Variants in HSPBP1 observed in about 807,000 individuals in gnomAD.
HSPBP1 encodes HSPA (Hsp70) binding protein 1.
HSPBP1 carries 31 observed loss-of-function variants against 41.7 expected under a neutral mutation model. The ratio of observed to expected loss-of-function variants is 0.74; its 90% confidence interval spans 0.56 to 1.00. The LOEUF is 1.00. Ranked by LOEUF, HSPBP1 falls within the 50% of genes least tolerant of loss-of-function variation. The pLI is 0.00. For synonymous variants in HSPBP1, 199 were observed against 214.4 expected, an observed-to-expected ratio of 0.93 and a Z score of 0.63; for missense variants, 439 against 487.9, an observed-to-expected ratio of 0.90 and a Z score of 0.94.
At chr19:55,276,649 A>T (rs1186705496) in intron 3 of HSPBP1, among the ~76,000 whole-genome samples, 1 of 152,164 alleles carries the variant, frequency 6.6e-6, no homozygotes, top group East Asian at 1.9e-4. Flanking sequence ...AACAAGCAAA[A>T]AATGAATGAA....
At chr19:55,273,942 G>T (rs1039400249) in intron 4 of HSPBP1, among the ~76,000 whole-genome samples, 5 of 151,294 alleles carry the variant, frequency 3.3e-5, no homozygotes, top group African/African-American at 4.9e-5. Context: ...AGAAGAAGAA[G>T]AATTCATGTA....
rs2087910188 is a variant in HSPBP1, at chr19:55,270,980, C to A, written c.640+3418G>T. Among the ~76,000 whole-genome samples the A allele has an allele frequency of 6.6e-6, 1 of 151,106 alleles. No homozygotes were observed. Among genetic ancestry groups the A allele is most frequent in the Non-Finnish European group, 1.5e-5 (1 of 67,750 alleles). ...CACGCCAAACACCCCACATACACAC[C>A]ATACACACCCTACACACGCGCCACA... On this transcript the variant is annotated intron_variant, in intron 4 of 7. Transcript: ENST00000433386. The surrounding 1 kb of genome is among the most constrained non-coding windows in gnomAD (Gnocchi z 5.4).
intron 4 of HSPBP1, among the ~76,000 whole-genome samples, chr19:55,269,239 C>T (rs531623833): frequency 6.6e-6 from 1 of 152,222 alleles, no homozygotes; most frequent in Admixed American, 6.5e-5. Context: ...GCCAATAGTC[C>T]CTCTCTCCCA....
rs759391886 is a variant in HSPBP1 at position 55,266,236 on chromosome 19, C to T, written c.691G>A (p.Gly231Ser). The change falls in exon 5 of 8, where the codon GGC becomes AGC. Residue 231 changes from glycine to serine, a missense_variant. Physicochemically the swap from Gly to Ser is moderately conservative, Grantham distance 56. Transcript: ENST00000433386. The part of the protein sequence containing the change: ...AGLLQFLRLD[G>S]FSVLMRAMQQ... Reference sequence around the variant, plus strand: ...ATGGCCCTCATCAACACAGAGAAGCCGTCCAGGCGGAGGAACTGCAGCAGC... The same window carrying T: ...ATGGCCCTCATCAACACAGAGAAGCTGTCCAGGCGGAGGAACTGCAGCAGC... 19 of 1,583,402 alleles carry T rather than the reference C, an allele frequency of 1.2e-5. No homozygotes were observed. The Admixed American group carries it at 1.8e-4, about 15-fold the overall frequency.
chr19:55,264,053 C>T lies in HSPBP1; in HGVS notation c.1005+1225G>A, dbSNP rs140673930. Among the ~76,000 whole-genome samples the T allele has an allele frequency of 8.5e-3, 1,290 of 151,396 alleles. 26 individuals are homozygous for T. The highest frequency in any genetic ancestry group is 0.03 in the African/African-American group (1,227 of 41,162). Reference sequence around the variant, plus strand: ...GCGCATCTTGGCTCACTGCAACCTCCGCCTCCCCGGTTCAAGCGATTCTCC... The same window carrying T: ...GCGCATCTTGGCTCACTGCAACCTCTGCCTCCCCGGTTCAAGCGATTCTCC... On this transcript the variant is annotated intron_variant, in intron 7 of 7. Transcript: ENST00000433386.
In HSPBP1 at chr19:55,268,338, G is replaced by A. The variant is rs546730570; in HGVS notation, c.641-2052C>T. 2.0e-5 allele frequency among the ~76,000 whole-genome samples: 3 copies of A among 152,264 alleles called. No individual in the cohort carries two copies. The highest frequency in any genetic ancestry group is 7.2e-5 in the African/African-American group (3 of 41,556). On this transcript the variant is annotated intron_variant, in intron 4 of 7. Transcript: ENST00000433386. This position sits in a 1 kb window ranked among gnomAD's most constrained non-coding sequence, Gnocchi z 4.5. Reference sequence around the variant, plus strand: ...CCAGCTACTAGGGAGGCTGAGGCAGGAGAATCATTTGAACCCGGGAGGTGG... The same window carrying A: ...CCAGCTACTAGGGAGGCTGAGGCAGAAGAATCATTTGAACCCGGGAGGTGG...
Position 55,265,361 on chromosome 19 carries a change from G to T in HSPBP1, c.922C>A (p.Arg308Ser), listed in dbSNP as rs762663099. The T allele has an allele frequency of 6.2e-7, 1 of 1,613,210 alleles. No individual in the cohort carries two copies. The highest frequency in any genetic ancestry group is 8.5e-7 in the Non-Finnish European group (1 of 1,179,840). The change falls in exon 7 of 8, where the codon CGC becomes AGC. Residue 308 changes from arginine (R) to serine (S), a missense_variant. Physicochemically the swap from Arg to Ser is moderately radical, Grantham distance 110 (BLOSUM62 -1). Coordinates refer to ENST00000433386, the MANE Select transcript of HSPBP1 (RefSeq NM_012267.5). ...SLVTDFPQGV[R>S]ECREPELGLE... ...CCCAGTTCCGGCTCCCGACACTCGC[G>T]CACACCCTGCGGAAAGTCTGTCACC...
chr19:55,280,302 C>T (rs2088198534), upstream of HSPBP1: 1 of 156,250 alleles, frequency 6.4e-6, no homozygotes, highest in Non-Finnish European at 1.4e-5. Context: ...GGCGCCGCCC[C>T]TTCACGCTCA....
chr19:55,279,194 C>T (rs543996248), intron 2 of HSPBP1, among the ~76,000 whole-genome samples: 7 of 152,130 alleles, frequency 4.6e-5, no homozygotes, highest in Non-Finnish European at 7.3e-5. Flanking sequence ...GGATATGTCC[C>T]CTCAGACTCT....
rs1475761554 is a variant in HSPBP1, at chr19:55,266,281, C to T, written c.646G>A (p.Val216Ile). ...AGCAGCCCAGCCTCCTGCTCTCGGA[C>T]CAGACCTGGGAGAGGGGGAAAGGTC... ...VKALFAISCL[V>I]REQEAGLLQF... The change falls in exon 5 of 8, where the codon GTC becomes ATC. Residue 216 changes from valine to isoleucine, a missense_variant. Physicochemically the swap from Val to Ile is conservative, Grantham distance 29. Transcript: ENST00000433386. 6.4e-7 allele frequency: 1 copy of T among 1,573,914 alleles called. No individual in the cohort carries two copies. Among genetic ancestry groups the T allele is most frequent in the Non-Finnish European group, 8.6e-7 (1 of 1,159,920 alleles).
chr19:55,272,529 G>C lies in HSPBP1; in HGVS notation c.640+1869C>G, dbSNP rs933881444. On this transcript the variant is annotated intron_variant, in intron 4 of 7. Transcript: ENST00000433386. The surrounding 1 kb of genome is among the most constrained non-coding windows in gnomAD (Gnocchi z 4.2). Reference sequence around the variant, plus strand: ...TTAACGGGTACAGAATTTCTGCTTGGGGGAGAGGATGAAGATGTTCTGAAA... The same window carrying C: ...TTAACGGGTACAGAATTTCTGCTTGCGGGAGAGGATGAAGATGTTCTGAAA... Among the ~76,000 whole-genome samples, 4 of 152,114 alleles carry C rather than the reference G, an allele frequency of 2.6e-5. No homozygotes were observed. Among genetic ancestry groups the C allele is most frequent in the African/African-American group, 9.7e-5 (4 of 41,432 alleles).
At chr19:55,273,126 G>A (rs551642830) in intron 4 of HSPBP1, among the ~76,000 whole-genome samples, 145 of 152,206 alleles carry the variant, frequency 9.5e-4, no homozygotes, top group Non-Finnish European at 1.7e-3. Context: ...AGTAGATGGA[G>A]GTACAGTCAC....
At chr19:55,271,284 G>A (rs1331765507) in intron 4 of HSPBP1, among the ~76,000 whole-genome samples, 1 of 151,568 alleles carries the variant, frequency 6.6e-6, no homozygotes, top group African/African-American at 2.4e-5. Context: ...GATCTCAGCT[G>A]ACTGCAGCCT....
Position 55,270,266 on chromosome 19 carries a change from C to T in HSPBP1, c.641-3980G>A, listed in dbSNP as rs993001064. Reference sequence around the variant, plus strand: ...GAAGCCGACCACCACGTGGTGAGGCCGCTCACGCAGCCCGAGCTTCCTGCC... The same window carrying T: ...GAAGCCGACCACCACGTGGTGAGGCTGCTCACGCAGCCCGAGCTTCCTGCC... On this transcript the variant is annotated intron_variant, in intron 4 of 7. Coordinates refer to ENST00000433386, the MANE Select transcript of HSPBP1 (RefSeq NM_012267.5). The surrounding 1 kb of genome is among the most constrained non-coding windows in gnomAD (Gnocchi z 5.4). 2.6e-5 allele frequency among the ~76,000 whole-genome samples: 4 copies of T among 152,212 alleles called. No homozygotes were observed. Among genetic ancestry groups the T allele is most frequent in the Admixed American group, 6.5e-5 (1 of 15,284 alleles).
In HSPBP1 at chr19:55,265,903, C is replaced by T. The variant is rs761244569; in HGVS notation, c.876G>A (p.Val292=). The change falls in exon 6 of 8, where the codon GTG becomes GTA. Residue 292 remains valine, a synonymous_variant. Coordinates refer to ENST00000433386, the MANE Select transcript of HSPBP1 (RefSeq NM_012267.5). ...RTEHSPFHEH[V]LGALCSLVTD... Reference sequence around the variant, plus strand: ...CAAAGTACCTGCACAGGGCTCCAAGCACGTGCTCGTGGAAGGGGCTGTGCT... The same window carrying T: ...CAAAGTACCTGCACAGGGCTCCAAGTACGTGCTCGTGGAAGGGGCTGTGCT... The T allele has an allele frequency of 1.2e-6, 2 of 1,607,216 alleles. No individual in the cohort carries two copies. The highest frequency in any genetic ancestry group is 1.7e-6 in the Non-Finnish European group (2 of 1,177,902).
rs543357567 is a variant in HSPBP1 at position 55,278,679 on chromosome 19, C to G, written c.210+720G>C. On this transcript the variant is annotated intron_variant, in intron 2 of 7. Transcript: ENST00000433386. ...CTGTAATCTCAGCACTTTGGGAGGCCGAGGCAGGTGGATCACTTGACGCCA... is the reference window on the plus strand; with the variant it reads ...CTGTAATCTCAGCACTTTGGGAGGCGGAGGCAGGTGGATCACTTGACGCCA... 9.9e-5 allele frequency among the ~76,000 whole-genome samples: 15 copies of G among 152,050 alleles called. No individual in the cohort carries two copies. The South Asian group carries it at 3.1e-3, about 32-fold the overall frequency.
chr19:55,276,652 T>G (rs1455747226), intron 3 of HSPBP1, among the ~76,000 whole-genome samples: 1 of 151,850 alleles, frequency 6.6e-6, no homozygotes, highest in East Asian at 1.9e-4. Flanking sequence ...AAGCAAAAAA[T>G]GAATGAAAGA....
At chr19:55,278,838 G>C (rs917965732) in intron 2 of HSPBP1, among the ~76,000 whole-genome samples, 1 of 151,640 alleles carries the variant, frequency 6.6e-6, no homozygotes. Flanking sequence ...TGCTTGAACC[G>C]GGAAGTCAGA....
chr19:55,274,815 G>A (rs1187588104), intron 3 of HSPBP1, among the ~76,000 whole-genome samples, 193 bp from the exon 4 acceptor site: 1 of 152,122 alleles, frequency 6.6e-6, no homozygotes, highest in African/African-American at 2.4e-5. Context: ...CTGGCGTCCT[G>A]ATAAGAAGAA....
Sources: gnomAD v4.1 joint callset for allele counts (sites outside exome capture counted in the v4.1 genomes callset) on GRCh38, gnomAD v4.1.1 for gene constraint, Gnocchi (gnomAD v3.1) non-coding constraint, MANE v1.5 for transcripts, NCBI Gene and HGNC (gene_info 2026-07-23, HGNC 2026-07-21) for gene names.